CNOT10: variants seen among roughly 807,000 people sequenced by gnomAD.
CNOT10 encodes CCR4-NOT transcription complex, subunit 10.
In CNOT10, 30 loss-of-function variants were observed where a neutral mutation model predicts 94.6. The observed-to-expected ratio is 0.32, with a 90% confidence interval of 0.24 to 0.43. The LOEUF is 0.43. CNOT10 is among the 20% of genes least tolerant of loss of function. The pLI, the probability that CNOT10 is intolerant of heterozygous loss-of-function variation, is 1.00. For synonymous variants in CNOT10, 289 were observed against 301.6 expected (o/e 0.96, Z 0.43); for missense variants, 759 against 877.2 (o/e 0.87, Z 1.70).
chr3:32,748,229 A>G (rs1398422699), intron 13 of CNOT10, among the ~76,000 whole-genome samples: 1 of 152,210 alleles, frequency 6.6e-6, no homozygotes, highest in Admixed American at 6.5e-5. Context: ...GAATGTTTGT[A>G]TGCTATAACA....
chr3:32,753,964 G>C, intron 13 of CNOT10: 3 of 795,082 alleles, frequency 3.8e-6, no homozygotes, highest in Non-Finnish European at 5.8e-6. Flanking sequence ...GGGCATGGAG[G>C]TGCATGCTTG....
At chr3:32,716,423 ATTTG>A (rs773866818) in intron 6 of CNOT10, 112 bp downstream of exon 6, 179 of 544,242 alleles carry the variant, frequency 3.3e-4, no homozygotes, top group Non-Finnish European at 5.4e-4. Flanking sequence ...AGGTGCATAT[ATTTG>A]TTTGTCTTTT....
At chr3:32,770,643 T>C (rs1233387827) in intron 18 of CNOT10, among the ~76,000 whole-genome samples, 7 of 151,664 alleles carry the variant, frequency 4.6e-5, no homozygotes, top group Non-Finnish European at 1.0e-4. Context: ...ATTTTTAATG[T>C]CTGTTTTTTC....
chr3:32,754,897 C>CAAAAA (rs1212573196), intron 13 of CNOT10, among the ~76,000 whole-genome samples: 15 of 113,648 alleles, frequency 1.3e-4, no homozygotes, highest in East Asian at 7.8e-4. Flanking sequence ...AGGACCATTA[C>CAAAAA]AAAAAAAAAA....
intron 13 of CNOT10, among the ~76,000 whole-genome samples, chr3:32,741,315 CT>C (rs1277251949): frequency 8.9e-6 from 1 of 112,580 alleles, no homozygotes; most frequent in African/African-American, 3.5e-5. Context: ...AATCATTCAC[CT>C]TTTGTAGGAC....
intron 10 of CNOT10, among the ~76,000 whole-genome samples, chr3:32,729,267 T>C (rs1467152823): frequency 6.6e-6 from 1 of 152,210 alleles, no homozygotes; most frequent in Non-Finnish European, 1.5e-5. Flanking sequence ...CCAGTTTACA[T>C]TGATTTCCAT....
At chr3:32,769,859 C>T (rs371910306) in intron 17 of CNOT10, 28 bp from the exon 18 acceptor site, 4 of 1,592,400 alleles carry the variant, frequency 2.5e-6, no homozygotes, top group African/African-American at 1.3e-5. Context: ...TTTGTTTTTT[C>T]ACGGGCATCT....
At chr3:32,694,308 G>A (rs1448629313) in intron 1 of CNOT10, among the ~76,000 whole-genome samples, 1 of 152,066 alleles carries the variant, frequency 6.6e-6, no homozygotes, top group Admixed American at 6.6e-5. Context: ...ACTTTGAAAT[G>A]AGTTTAGACA....
At chr3:32,706,688 G>A (rs1697640153) in intron 3 of CNOT10, among the ~76,000 whole-genome samples, 1 of 152,174 alleles carries the variant, frequency 6.6e-6, no homozygotes, top group Non-Finnish European at 1.5e-5. Context: ...AATCCAAAAC[G>A]CCATAGTTTA....
At chr3:32,753,925 C>G (rs1700078874) in intron 13 of CNOT10, 2 of 1,074,036 alleles carry the variant, frequency 1.9e-6, no homozygotes, top group Non-Finnish European at 2.8e-6. Context: ...CTCTCACACA[C>G]ACACACACAC....
intron 1 of CNOT10, among the ~76,000 whole-genome samples, chr3:32,698,665 C>G (rs1177109444): frequency 6.6e-6 from 1 of 152,138 alleles, no homozygotes; most frequent in Non-Finnish European, 1.5e-5. Context: ...GATTCTAAGA[C>G]TTGTGCTCTT....
Position 32,754,489 on chromosome 3 carries a change from A to AAAAAATATATATATATATAT in CNOT10, c.1596-4968_1596-4967insAAAATATATATATATATATA, listed in dbSNP as rs77878221. On this transcript the variant is annotated intron_variant, in intron 13 of 18. Coordinates refer to ENST00000328834, the MANE Select transcript of CNOT10 (RefSeq NM_015442.3). Reference sequence around the variant, plus strand: ...AAGACTCCGTCTCAAAAAAAAAAAAAATACATATATATATATATATTTATT... The same window carrying AAAAAATATATATATATATAT: ...AAGACTCCGTCTCAAAAAAAAAAAAAAAAAATATATATATATATATATACATATATATATATATATTTATT... Among the ~76,000 whole-genome samples the AAAAAATATATATATATATAT allele has an allele frequency of 6.0e-4, 42 of 70,120 alleles. 2 individuals are homozygous for AAAAAATATATATATATATAT. Among genetic ancestry groups the AAAAAATATATATATATATAT allele is most frequent in the Non-Finnish European group, 7.2e-4 (32 of 44,640 alleles). The allele number at this position is 70,120 out of a possible 152,430, so 46.0% of individuals were successfully genotyped here. A position where few individuals can be genotyped will look rare whatever the true frequency, so the allele number is the denominator to read the frequency against.
intron 18 of CNOT10, 61 bp downstream of exon 18, chr3:32,770,023 G>T: frequency 1.5e-6 from 2 of 1,326,008 alleles, no homozygotes; most frequent in Non-Finnish European, 2.2e-6. Context: ...TTTTTGGTTG[G>T]GAGACAGGGT....
chr3:32,773,571 C>T lies in CNOT10; in HGVS notation c.2195C>T (p.Pro732Leu). Residue 732 changes from proline (P) to leucine (L), a missense_variant, in exon 19 of 19, where the codon CCC becomes CTC. By Grantham distance (98) the Pro-to-Leu change is moderately conservative. Around this residue, in one of 3 missense-constraint regions of CNOT10, gnomAD observed 73 missense variants for 61.0 expected, o/e 1.20. Coordinates refer to ENST00000328834, the MANE Select transcript of CNOT10 (RefSeq NM_015442.3). The part of the protein sequence containing the change: ...PVFQPVHPIQ[P>L]IQMPAFTTVQ... ...TTTCAGCCTGTCCACCCGATCCAGCCCATCCAAATGCCGGCTTTCACCACT... is the reference window on the plus strand; with the variant it reads ...TTTCAGCCTGTCCACCCGATCCAGCTCATCCAAATGCCGGCTTTCACCACT... 6.2e-7 allele frequency: 1 copy of T among 1,614,002 alleles called. No homozygotes were observed. Among genetic ancestry groups the T allele is most frequent in the Non-Finnish European group, 8.5e-7 (1 of 1,179,968 alleles).
chr3:32,693,027 A>G (rs1250478178), intron 1 of CNOT10, among the ~76,000 whole-genome samples: 4 of 152,128 alleles, frequency 2.6e-5, no homozygotes, highest in East Asian at 1.9e-4. Flanking sequence ...CTGGGCTACA[A>G]AGTGAGACCC....
At chr3:32,708,599 A>G in intron 3 of CNOT10, 71 bp from the exon 4 acceptor site, 1 of 1,315,038 alleles carries the variant, frequency 7.6e-7, no homozygotes, top group Non-Finnish European at 1.1e-6. Flanking sequence ...CTTTTTATTC[A>G]TATGAATTCT....
intron 1 of CNOT10, among the ~76,000 whole-genome samples, chr3:32,703,126 G>A (rs553809390): frequency 5.2e-5 from 7 of 134,474 alleles, no homozygotes; most frequent in Non-Finnish European, 9.3e-5. Context: ...GGGTTTCACC[G>A]TGTTAGCCAG....
chr3:32,695,637 T>C (rs2125497161), intron 1 of CNOT10: 1 of 1,535,816 alleles, frequency 6.5e-7, no homozygotes, highest in East Asian at 2.4e-5. Flanking sequence ...TGAAGTCTAT[T>C]GGTGTAAAGA....
intron 13 of CNOT10, among the ~76,000 whole-genome samples, chr3:32,750,687 G>A (rs1437082314): frequency 6.6e-6 from 1 of 151,888 alleles, no homozygotes; most frequent in East Asian, 2.0e-4. Flanking sequence ...GAGTAGCTGG[G>A]ATTATAGGCA....
Sources: allele counts gnomAD v4.1 joint callset (sites outside exome capture counted in the v4.1 genomes callset), GRCh38; gene constraint gnomAD v4.1.1; regional missense constraint gnomAD v4.1.1; transcripts MANE v1.5; gene names NCBI Gene and HGNC (gene_info 2026-07-23, HGNC 2026-07-21).